Variants in ESRRG observed in about 807,000 individuals in gnomAD.
The protein encoded by ESRRG is estrogen-related receptor gamma.
ESRRG carries 13 observed loss-of-function variants against 44.0 expected under a neutral mutation model. The observed-to-expected ratio is 0.30, with a 90% CI of 0.19 to 0.47. The LOEUF (loss-of-function observed/expected upper bound fraction) is 0.47. Ranked by LOEUF, ESRRG falls within the 20% of genes least tolerant of loss-of-function variation. The pLI is 1.00. For missense variants in ESRRG, 395 were observed against 580.6 expected (o/e 0.68, Z 3.29); for synonymous variants, 215 against 214.6 (o/e 1.00, Z -0.02).
chr1:216,816,425 A>T (rs2095139358), intron 2 of ESRRG, among the ~76,000 whole-genome samples: 1 of 152,220 alleles, frequency 6.6e-6, no homozygotes. Context: ...TTATTTGTCA[A>T]TTTAAAAAAA....
At chr1:216,660,583 A>G (rs1320793496) in intron 2 of ESRRG, among the ~76,000 whole-genome samples, 1 of 152,242 alleles carries the variant, frequency 6.6e-6, no homozygotes, top group Admixed American at 6.5e-5. Flanking sequence ...TGTTTAGAAT[A>G]TAAATAAAAA....
At chr1:217,010,969 T>C (rs763853667) in intron 1 of ESRRG, among the ~76,000 whole-genome samples, 1 of 152,128 alleles carries the variant, frequency 6.6e-6, no homozygotes, top group Non-Finnish European at 1.5e-5. Context: ...GGTAGACAGG[T>C]TGCAGCACCA....
chr1:216,852,804 A>G (rs2095861947), intron 2 of ESRRG, among the ~76,000 whole-genome samples: 1 of 152,168 alleles, frequency 6.6e-6, no homozygotes, highest in African/African-American at 2.4e-5. Flanking sequence ...GACTCATCCT[A>G]CCTTATCTTC....
chr1:216,699,815 G>T (rs182048280), intron 1 of ESRRG, among the ~76,000 whole-genome samples: 1 of 152,134 alleles, frequency 6.6e-6, no homozygotes, highest in Non-Finnish European at 1.5e-5. Flanking sequence ...CATAATATTT[G>T]TCTATTAACT....
At chr1:216,753,537 C>T (rs757154875) in intron 2 of ESRRG, among the ~76,000 whole-genome samples, 9 of 152,060 alleles carry the variant, frequency 5.9e-5, no homozygotes, top group Non-Finnish European at 4.4e-5. Context: ...ACTGCTATTG[C>T]TTATAGTTTC....
intron 6 of ESRRG, among the ~76,000 whole-genome samples, chr1:216,510,850 G>A (rs1332894326): frequency 6.6e-6 from 1 of 152,076 alleles, no homozygotes; most frequent in Non-Finnish European, 1.5e-5. Context: ...CTCCAGCCTG[G>A]GCGACAGAGC....
upstream of ESRRG, among the ~76,000 whole-genome samples, chr1:217,090,064 T>C (rs2151547472): frequency 6.6e-6 from 1 of 152,322 alleles, no homozygotes. Context: ...CTGTCATGAT[T>C]TGATTGCATT....
chr1:216,968,652 C>T (rs2070952074), intron 1 of ESRRG, among the ~76,000 whole-genome samples: 2 of 149,756 alleles, frequency 1.3e-5, no homozygotes, highest in Non-Finnish European at 3.0e-5. Flanking sequence ...AAAGTAGTAT[C>T]AGTTCTCTCA....
At chr1:216,541,712 A>G (rs1046184676) in intron 5 of ESRRG, among the ~76,000 whole-genome samples, 2 of 151,940 alleles carry the variant, frequency 1.3e-5, no homozygotes, top group Admixed American at 6.6e-5. Flanking sequence ...GCCAGGATAT[A>G]GGGAATAGCT....
At chr1:217,108,486 T>C (rs943490012) in intron 1 of ESRRG, among the ~76,000 whole-genome samples, 5 of 152,124 alleles carry the variant, frequency 3.3e-5, no homozygotes, top group African/African-American at 4.8e-5. Flanking sequence ...CCAAATGTCA[T>C]GTTGAATCAT....
At chr1:216,683,217 G>C (rs1434484660) in intron 1 of ESRRG, among the ~76,000 whole-genome samples, 1 of 152,124 alleles carries the variant, frequency 6.6e-6, no homozygotes, top group African/African-American at 2.4e-5. Context: ...AGGTCTGCCT[G>C]GTTAACCTAA....
chr1:216,999,540 AG>A (rs1257337399), intron 1 of ESRRG, among the ~76,000 whole-genome samples: 2 of 152,134 alleles, frequency 1.3e-5, no homozygotes, highest in Non-Finnish European at 1.5e-5. Context: ...AGCCCATCCC[AG>A]GTCTATCGGA....
intron 1 of ESRRG, among the ~76,000 whole-genome samples, chr1:217,114,415 G>A (rs1243899989): frequency 6.6e-6 from 1 of 151,958 alleles, no homozygotes; most frequent in African/African-American, 2.4e-5. Flanking sequence ...AAAAAAATTA[G>A]TTTTCCCAGA....
intron 2 of ESRRG, among the ~76,000 whole-genome samples, chr1:216,904,610 C>G (rs1311392012): frequency 6.6e-6 from 1 of 152,108 alleles, no homozygotes; most frequent in African/African-American, 2.4e-5. Context: ...CTCAGGAAGC[C>G]CTAAGAGGAG....
chr1:217,107,739 T>C (rs1265446138), intron 1 of ESRRG, among the ~76,000 whole-genome samples: 2 of 152,194 alleles, frequency 1.3e-5, no homozygotes, highest in African/African-American at 4.8e-5. Context: ...GGCCATAGGA[T>C]TGGCCTCCAT....
chr1:217,049,233 G>T (rs552852495), intron 1 of ESRRG, among the ~76,000 whole-genome samples: 54 of 152,248 alleles, frequency 3.5e-4, no homozygotes, highest in East Asian at 7.7e-4. Flanking sequence ...AAAAATTCTT[G>T]GTTATGCAAA....
chr1:217,092,621 T>A (rs1433824485), upstream of ESRRG, among the ~76,000 whole-genome samples: 1 of 152,182 alleles, frequency 6.6e-6, no homozygotes, highest in Non-Finnish European at 1.5e-5. Flanking sequence ...TCACCCACTG[T>A]TCATCTCATA....
upstream of ESRRG, among the ~76,000 whole-genome samples, chr1:216,725,247 A>G (rs2087259111): frequency 1.3e-5 from 2 of 152,126 alleles, no homozygotes; most frequent in South Asian, 4.1e-4. Flanking sequence ...CTAGATCAGA[A>G]CTCACATAGC....
intron 1 of ESRRG, among the ~76,000 whole-genome samples, chr1:216,722,472 A>C (rs971572607): frequency 1.4e-5 from 2 of 147,566 alleles, no homozygotes; most frequent in Non-Finnish European, 3.0e-5. Flanking sequence ...CATAAATACT[A>C]ATTAAACTGC....
Sources: gnomAD v4.1 joint callset for allele counts (sites outside exome capture counted in the v4.1 genomes callset) on GRCh38, gnomAD v4.1.1 for gene constraint, MANE v1.5 for transcripts, NCBI Gene and HGNC (gene_info 2026-07-23, HGNC 2026-07-21) for gene names.